The following DNM3 variants were observed in gnomAD, a reference collection of about 807,000 sequenced individuals.
DNM3 encodes the protein dynamin-3.
Under a neutral mutation model 101.6 loss-of-function variants are expected in DNM3, and 47 were observed. The observed-to-expected ratio is 0.46, with a 90% confidence interval of 0.37 to 0.59. DNM3 has a LOEUF of 0.59. Ranked by LOEUF, DNM3 falls within the 20% of genes least tolerant of loss-of-function variation. The pLI, the probability that DNM3 is intolerant of heterozygous loss-of-function variation, is 0.00. For missense variants in DNM3, 849 were observed against 1,085.7 expected (o/e 0.78, Z 3.06); for synonymous variants, 385 against 387.9 (o/e 0.99, Z 0.09).
At chr1:171,917,193 A>G (rs766719827) in intron 1 of DNM3, among the ~76,000 whole-genome samples, 1 of 152,204 alleles carries the variant, frequency 6.6e-6, no homozygotes, top group East Asian at 1.9e-4. Context: ...CAGATGTTAA[A>G]CATTTATTTA....
At chr1:171,980,231 T>G (rs1217758577) in intron 2 of DNM3, among the ~76,000 whole-genome samples, 2 of 151,904 alleles carry the variant, frequency 1.3e-5, no homozygotes, top group Admixed American at 6.6e-5. Flanking sequence ...CTGGGTCCTA[T>G]GTAATTAATA....
intron 10 of DNM3, among the ~76,000 whole-genome samples, chr1:172,056,166 A>G (rs1390851540): frequency 6.6e-6 from 1 of 152,202 alleles, no homozygotes; most frequent in Non-Finnish European, 1.5e-5. Flanking sequence ...ACGAGATTAT[A>G]TCCCGCACCT....
At chr1:171,900,102 G>T (rs10436867) in intron 1 of DNM3, among the ~76,000 whole-genome samples, 1 of 152,090 alleles carries the variant, frequency 6.6e-6, no homozygotes, top group Non-Finnish European at 1.5e-5. Flanking sequence ...AGTAAGGGAC[G>T]TGGAGAAAAT....
In DNM3 at chr1:171,969,425, G is replaced by A. The variant is rs75483875; in HGVS notation, c.236-18231G>A. Reference sequence around the variant, plus strand: ...GCTCTGAGGGAGGCAGTGGGAACACGAGGGGCTGAACTTCACTGTGAACAA... The same window carrying A: ...GCTCTGAGGGAGGCAGTGGGAACACAAGGGGCTGAACTTCACTGTGAACAA... On this transcript the variant is annotated intron_variant, in intron 2 of 20. Transcript: ENST00000627582. 6.4e-4 allele frequency among the ~76,000 whole-genome samples: 97 copies of A among 152,248 alleles called. 1 individual carries two copies. In the East Asian group the frequency reaches 0.016, roughly 25 times the overall value.
intron 9 of DNM3, among the ~76,000 whole-genome samples, chr1:172,045,517 C>CA (rs2049723491): frequency 6.6e-6 from 1 of 152,108 alleles, no homozygotes; most frequent in South Asian, 2.1e-4. Flanking sequence ...AATTACCTCC[C>CA]AAAGGCCCTA....
chr1:172,233,531 C>T (rs1468068746), intron 14 of DNM3, among the ~76,000 whole-genome samples: 6 of 152,220 alleles, frequency 3.9e-5, no homozygotes, highest in Non-Finnish European at 8.8e-5. Flanking sequence ...TCCTCCCTAA[C>T]TCATTTTATG....
At chr1:172,116,810 C>T (rs1329255528) in intron 13 of DNM3, among the ~76,000 whole-genome samples, 1 of 152,086 alleles carries the variant, frequency 6.6e-6, no homozygotes, top group African/African-American at 2.4e-5. Flanking sequence ...AATTTCATAA[C>T]TTTTTTAGTC....
At chr1:172,175,480 A>G (rs2059125159) in intron 14 of DNM3, among the ~76,000 whole-genome samples, 1 of 151,722 alleles carries the variant, frequency 6.6e-6, no homozygotes, top group South Asian at 2.1e-4. Flanking sequence ...GTATGATCCT[A>G]ATTTCTTAAA....
At chr1:172,182,675 A>G (rs556618846) in intron 14 of DNM3, among the ~76,000 whole-genome samples, 3 of 152,258 alleles carry the variant, frequency 2.0e-5, no homozygotes, top group African/African-American at 7.2e-5. Flanking sequence ...CTCTATCTGC[A>G]TTGTCCTCAG....
chr1:172,209,238 A>G (rs927679229), intron 14 of DNM3, among the ~76,000 whole-genome samples: 1 of 152,014 alleles, frequency 6.6e-6, no homozygotes, highest in African/African-American at 2.4e-5. Context: ...AGGGCACAGC[A>G]AGAAGGTAGT....
At chr1:172,207,153 C>T (rs1333044710) in intron 14 of DNM3, among the ~76,000 whole-genome samples, 1 of 152,062 alleles carries the variant, frequency 6.6e-6, no homozygotes, top group Admixed American at 6.6e-5. Context: ...AAGTAATTTT[C>T]TGAGGCAAGC....
At chr1:172,041,977 G>A (rs764850112) in intron 7 of DNM3, 32 bp from the exon 8 acceptor site, 2 of 1,552,022 alleles carry the variant, frequency 1.3e-6, no homozygotes, top group African/African-American at 1.4e-5. Context: ...TTGTAACTTT[G>A]ACTTGAATCT....
chr1:171,977,891 G>T (rs1206085734), intron 2 of DNM3, among the ~76,000 whole-genome samples: 1 of 152,142 alleles, frequency 6.6e-6, no homozygotes, highest in East Asian at 1.9e-4. Context: ...CACATGTATA[G>T]TTCCTGGGCT....
chr1:172,249,682 T>C (rs2062093392), intron 14 of DNM3, among the ~76,000 whole-genome samples: 1 of 152,154 alleles, frequency 6.6e-6, no homozygotes, highest in African/African-American at 2.4e-5. Context: ...AAAAAAATCT[T>C]TCTCTAGAAG....
chr1:171,915,562 G>A (rs2039645735), intron 1 of DNM3, among the ~76,000 whole-genome samples: 1 of 152,206 alleles, frequency 6.6e-6, no homozygotes, highest in Non-Finnish European at 1.5e-5. Context: ...GGACATTTAT[G>A]GATGCTGATG....
At position 172,089,060 on chromosome 1, in the gene DNM3, C is replaced by T. The variant is rs527567802; in HGVS notation, c.1494-3764C>T. ...GTGTAGTAGGAATTTATATGACAAA[C>T]GACAAATGTGCGTGCACACACGCAC... On this transcript the variant is annotated intron_variant, in intron 12 of 20. Transcript: ENST00000627582. Among the ~76,000 whole-genome samples the T allele has an allele frequency of 1.3e-3, 203 of 152,336 alleles. 1 individual carries two copies. Among genetic ancestry groups the T allele is most frequent in the African/African-American group, 4.6e-3 (192 of 41,572 alleles).
intron 17 of DNM3, among the ~76,000 whole-genome samples, chr1:172,362,636 C>A (rs2067800628): frequency 6.6e-6 from 1 of 151,842 alleles, no homozygotes; most frequent in Non-Finnish European, 1.5e-5. Context: ...ATCTTTGACC[C>A]AACCCTGGTA....
chr1:172,304,206 C>CAAAAAAAAAAAAAAAAAAAA (rs575733774), intron 15 of DNM3, among the ~76,000 whole-genome samples: 43 of 36,338 alleles, frequency 1.2e-3, no homozygotes, highest in African/African-American at 2.9e-3. Context: ...AAAAGGAAAG[C>CAAAAAAAAAAAAAAAAAAAA]AAAAAAAAAA....
chr1:172,395,270 A>C (rs1200817480), intron 20 of DNM3, among the ~76,000 whole-genome samples: 1 of 150,962 alleles, frequency 6.6e-6, no homozygotes, highest in Non-Finnish European at 1.5e-5. Flanking sequence ...TCCTGGCTTC[A>C]AGCGATTCTC....
Sources: allele counts gnomAD v4.1 joint callset (sites outside exome capture counted in the v4.1 genomes callset), GRCh38; gene constraint gnomAD v4.1.1; transcripts MANE v1.5; gene names NCBI Gene and HGNC (gene_info 2026-07-23, HGNC 2026-07-21).